The following ANKRD33B variants were observed in gnomAD, a reference collection of about 807,000 sequenced individuals.
ANKRD33B encodes ankyrin repeat domain-containing protein 33B.
Under a neutral mutation model 21.5 loss-of-function variants are expected in ANKRD33B, and 6 were observed. The observed-to-expected ratio is 0.28, with a 90% confidence interval of 0.15 to 0.55. The LOEUF (loss-of-function observed/expected upper bound fraction) is 0.55, where lower values mean the gene tolerates loss of function less well. Among genes scored for constraint, ANKRD33B ranks in the 20% least tolerant of loss-of-function variants. ANKRD33B has a pLI of 0.94. For missense variants in ANKRD33B, 698 were observed against 747.2 expected, an observed-to-expected ratio of 0.93 and a Z score of 0.77; for synonymous variants, 347 against 342.4, an observed-to-expected ratio of 1.01 and a Z score of -0.15.
chr5:10,634,033 C>T (rs1736798261), intron 2 of ANKRD33B, among the ~76,000 whole-genome samples: 1 of 152,190 alleles, frequency 6.6e-6, no homozygotes, highest in Non-Finnish European at 1.5e-5. Flanking sequence ...CTGGATTATT[C>T]AGAATTTTTC....
chr5:10,575,746 G>A (rs971599126), intron 1 of ANKRD33B, among the ~76,000 whole-genome samples: 18 of 152,258 alleles, frequency 1.2e-4, no homozygotes, highest in East Asian at 7.7e-4. Flanking sequence ...GAAAAGAGTT[G>A]GTCTCAGAAG....
Position 10,569,001 on chromosome 5 carries a change from G to A in ANKRD33B, c.366+4168G>A, listed in dbSNP as rs192094644. On this transcript the variant is annotated intron_variant, in intron 1 of 3. Transcript: ENST00000296657. ...AACTTAATTTTCATAGATTTATAGC[G>A]ATGATCAGGGCTTTATCTTGAAATG... 1.1e-4 allele frequency among the ~76,000 whole-genome samples: 16 copies of A among 152,188 alleles called. No individual in the cohort carries two copies. In the East Asian group the frequency reaches 2.5e-3, roughly 24 times the overall value.
chr5:10,567,678 A>G (rs531940419), intron 1 of ANKRD33B, among the ~76,000 whole-genome samples: 1 of 152,328 alleles, frequency 6.6e-6, no homozygotes, highest in East Asian at 1.9e-4. Context: ...TAGGGCTGAA[A>G]TTATAAATAG....
intron 1 of ANKRD33B, among the ~76,000 whole-genome samples, chr5:10,588,232 T>C (rs559496475): frequency 3.3e-5 from 5 of 152,384 alleles, no homozygotes; most frequent in South Asian, 2.1e-4. Context: ...GGTATAACTT[T>C]AGCGACATTT....
intron 1 of ANKRD33B, among the ~76,000 whole-genome samples, chr5:10,602,043 A>G (rs1735944240): frequency 6.6e-6 from 1 of 152,270 alleles, no homozygotes; most frequent in South Asian, 2.1e-4. Context: ...ACTGGGCAAG[A>G]CAAGAAGGTG....
Position 10,657,362 on chromosome 5 carries a change from T to C in ANKRD33B, c.*7249T>C, listed in dbSNP as rs1737514886. 6.6e-6 allele frequency: 1 copy of C among 152,406 alleles called. No homozygotes were observed. The highest frequency in any genetic ancestry group is 2.4e-5 in the African/African-American group (1 of 41,480). The allele number at this position is 152,406 out of a possible 1,614,324, so 9.4% of individuals were successfully genotyped here. On this transcript the variant is annotated 3_prime_UTR_variant, in exon 4 of 4. Coordinates refer to ENST00000296657, the MANE Select transcript of ANKRD33B (RefSeq NM_001164440.2). ...CCGTTCTAAGGATTGAACAGATTCC[T>C]GCACAGGGTGCCAGGTTTCAAGTTA...
chr5:10,568,621 G>C (rs1450954292), intron 1 of ANKRD33B, among the ~76,000 whole-genome samples: 1 of 152,176 alleles, frequency 6.6e-6, no homozygotes, highest in Non-Finnish European at 1.5e-5. Flanking sequence ...TGCAACCTCC[G>C]CCTCCGGGGT....
chr5:10,595,219 G>A lies in ANKRD33B; in HGVS notation c.367-23114G>A, dbSNP rs77934180. Among the ~76,000 whole-genome samples, 921 of 152,244 alleles carry A rather than the reference G, an allele frequency of 6.0e-3. 6 individuals are homozygous for A. Among genetic ancestry groups the A allele is most frequent in the African/African-American group, 0.021 (874 of 41,556 alleles). On this transcript the variant is annotated intron_variant, in intron 1 of 3. Coordinates refer to ENST00000296657, the MANE Select transcript of ANKRD33B (RefSeq NM_001164440.2). ...AGGCCAGGTGGAGGAGCGGCCTGGG[G>A]GACATAGGTGGTTGTGGTGCTAGAT...
At chr5:10,621,632 T>C (rs1301556716) in intron 2 of ANKRD33B, among the ~76,000 whole-genome samples, 1 of 152,222 alleles carries the variant, frequency 6.6e-6, no homozygotes, top group Non-Finnish European at 1.5e-5. Flanking sequence ...GGCTAGTAAT[T>C]AGTTAAGGCC....
intron 2 of ANKRD33B, among the ~76,000 whole-genome samples, chr5:10,628,959 G>T (rs1380607503): frequency 6.6e-6 from 1 of 152,164 alleles, no homozygotes; most frequent in Non-Finnish European, 1.5e-5. Flanking sequence ...TAGATTAGAG[G>T]AAGTGTGGCT....
At chr5:10,570,327 C>T (rs555646513) in intron 1 of ANKRD33B, among the ~76,000 whole-genome samples, 15 of 152,174 alleles carry the variant, frequency 9.9e-5, no homozygotes, top group African/African-American at 2.9e-4. Flanking sequence ...TTTGCTCATT[C>T]GTCTTCATTC....
At chr5:10,588,717 T>G (rs1041084911) in intron 1 of ANKRD33B, among the ~76,000 whole-genome samples, 1 of 152,036 alleles carries the variant, frequency 6.6e-6, no homozygotes, top group Non-Finnish European at 1.5e-5. Flanking sequence ...CCAGGTAGAG[T>G]TTTCTCCATC....
In ANKRD33B at chr5:10,592,450, T is replaced by TAA. The variant is rs35660672; in HGVS notation, c.367-25857_367-25856dup. Among the ~76,000 whole-genome samples, 491 of 69,088 alleles carry TAA rather than the reference T, an allele frequency of 7.1e-3. 5 individuals are homozygous for TAA. Among genetic ancestry groups the TAA allele is most frequent in the Non-Finnish European group, 8.6e-3 (329 of 38,232 alleles). 45.3% of individuals were successfully genotyped at this position (69,088 alleles called of 152,430 possible). On this transcript the variant is annotated intron_variant, in intron 1 of 3. Coordinates refer to ENST00000296657, the MANE Select transcript of ANKRD33B (RefSeq NM_001164440.2). ...CAACATGGTGAAACCCCATCTCTAC[T>TAA]AAAAAAAAAAAAAAAAAAAAAAAAA...
intron 1 of ANKRD33B, among the ~76,000 whole-genome samples, chr5:10,606,651 T>C (rs985182187): frequency 7.9e-5 from 12 of 151,066 alleles, no homozygotes; most frequent in Non-Finnish European, 1.6e-4. Flanking sequence ...GGAGAATCAC[T>C]TGAACCCACG....
chr5:10,616,498 AG>A (rs1166818434), intron 1 of ANKRD33B, among the ~76,000 whole-genome samples: 1 of 142,768 alleles, frequency 7.0e-6, no homozygotes, highest in Non-Finnish European at 1.5e-5. Context: ...CAGGAGGTGG[AG>A]GTTGCAATGA....
At chr5:10,589,317 C>T (rs1312065919) in intron 1 of ANKRD33B, among the ~76,000 whole-genome samples, 1 of 152,188 alleles carries the variant, frequency 6.6e-6, no homozygotes, top group Non-Finnish European at 1.5e-5. Flanking sequence ...CCTCTTCCTT[C>T]CAGACCTGTG....
At chr5:10,637,446 A>G (rs1377115821) in intron 2 of ANKRD33B, among the ~76,000 whole-genome samples, 2 of 140,900 alleles carry the variant, frequency 1.4e-5, no homozygotes, top group Non-Finnish European at 3.1e-5. Context: ...ACACACACAC[A>G]CACACACACA....
At chr5:10,608,403 C>T (rs945032187) in intron 1 of ANKRD33B, among the ~76,000 whole-genome samples, 4 of 148,982 alleles carry the variant, frequency 2.7e-5, no homozygotes, top group Non-Finnish European at 5.9e-5. Context: ...AGGGGAAGAG[C>T]AAGGAAGGTT....
In ANKRD33B at chr5:10,654,966, C is replaced by T. The variant is rs1325967780; in HGVS notation, c.*4853C>T. 2 of 152,478 alleles carry T rather than the reference C, an allele frequency of 1.3e-5. No homozygotes were observed. The highest frequency in any genetic ancestry group is 4.8e-5 in the African/African-American group (2 of 41,476). The allele number at this position is 152,478 out of a possible 1,614,324, so 9.4% of individuals were successfully genotyped here. ...ACTTGGGAACATCGTGGACATCTTC[C>T]TTCCTCTCAGGCTCCTCCTGACAGA... On this transcript the variant is annotated 3_prime_UTR_variant, in exon 4 of 4. Transcript: ENST00000296657.
Sources: gnomAD v4.1 joint callset for allele counts (sites outside exome capture counted in the v4.1 genomes callset) on GRCh38, gnomAD v4.1.1 for gene constraint, MANE v1.5 for transcripts, NCBI Gene and HGNC (gene_info 2026-07-23, HGNC 2026-07-21) for gene names.